The following RANBP2 variants were observed in gnomAD, a reference collection of about 807,000 sequenced individuals.
RANBP2 encodes the protein E3 SUMO-protein ligase RanBP2.
In RANBP2, 57 loss-of-function variants were observed where a neutral mutation model predicts 303.6. The ratio of observed to expected loss-of-function variants is 0.19; its 90% CI spans 0.15 to 0.23. RANBP2 has a LOEUF of 0.23. Among genes scored for constraint, RANBP2 ranks in the 10% least tolerant of loss-of-function variants. The probability of loss-of-function intolerance (pLI) is 1.00; values close to 1 mark genes in which losing one functional copy is unlikely to be tolerated. For synonymous variants in RANBP2, 1,167 were observed against 1,301.5 expected (o/e 0.90, Z 2.23); for missense variants, 3,138 against 3,780.8 (o/e 0.83, Z 4.46).
the RANBP2 span, among the ~76,000 whole-genome samples, chr2:108,816,427 G>A: frequency 6.6e-6 from 1 of 152,078 alleles, no homozygotes; most frequent in African/African-American, 2.4e-5. Context: ...CTCCAGCCTG[G>A]GCAACAGAGC....
At chr2:109,330,414 A>C in the RANBP2 span, among the ~76,000 whole-genome samples, 2 of 151,622 alleles carry the variant, frequency 1.3e-5, no homozygotes, top group African/African-American at 4.9e-5. Context: ...CATCCTGTTG[A>C]TTATTCCTTA....
At chr2:109,013,099 C>T in the RANBP2 span, among the ~76,000 whole-genome samples, 1 of 152,208 alleles carries the variant, frequency 6.6e-6, no homozygotes, top group African/African-American at 2.4e-5. Flanking sequence ...GCCAAGGAGC[C>T]TGTAATTGAC....
the RANBP2 span, among the ~76,000 whole-genome samples, chr2:108,791,242 G>A: frequency 2.0e-5 from 3 of 151,982 alleles, no homozygotes; most frequent in Non-Finnish European, 4.4e-5. Context: ...AACTCAGATT[G>A]TCTTTTTGGA....
At chr2:108,910,716 C>T in the RANBP2 span, 1,349 of 1,581,500 alleles carry the variant, frequency 8.5e-4, 12 homozygotes, top group African/African-American at 0.016. Context: ...CTTCTGGGAA[C>T]GCCCTCCACC....
the RANBP2 span, among the ~76,000 whole-genome samples, chr2:108,853,890 AGT>A: frequency 1.6e-5 from 2 of 123,898 alleles, no homozygotes; most frequent in African/African-American, 6.4e-5. Context: ...TATATTATAT[AGT>A]ATATATATTA....
the RANBP2 span, among the ~76,000 whole-genome samples, chr2:109,719,027 A>AAAAAAAAAAAAAAAAAC: frequency 8.5e-6 from 1 of 118,216 alleles, no homozygotes; most frequent in Non-Finnish European, 1.7e-5. Context: ...AAAAAAAAAA[A>AAAAAAAAAAAAAAAAAC]AGAAACAAAA....
At chr2:109,554,518 C>T in the RANBP2 span, among the ~76,000 whole-genome samples, 3 of 152,128 alleles carry the variant, frequency 2.0e-5, no homozygotes, top group Non-Finnish European at 2.9e-5. Flanking sequence ...ACACTCACAC[C>T]ACCCCCACCC....
chr2:108,811,247 C>CTCTCTTTTTT, the RANBP2 span, among the ~76,000 whole-genome samples: 3 of 113,894 alleles, frequency 2.6e-5, no homozygotes, highest in South Asian at 3.0e-4. Context: ...TTCTCTCTCT[C>CTCTCTTTTTT]TTTTTTTTTT....
the RANBP2 span, among the ~76,000 whole-genome samples, chr2:109,572,814 A>G: frequency 6.6e-6 from 1 of 151,658 alleles, no homozygotes; most frequent in Non-Finnish European, 1.5e-5. Context: ...ACAAGGTTTC[A>G]CTATGTTGGC....
chr2:109,153,958 G>A, the RANBP2 span, among the ~76,000 whole-genome samples: 4 of 152,220 alleles, frequency 2.6e-5, no homozygotes, highest in Admixed American at 2.0e-4. Context: ...ATTTCATTAC[G>A]TGACCACAGA....
chr2:109,211,421 G>T, the RANBP2 span, among the ~76,000 whole-genome samples: 1 of 152,234 alleles, frequency 6.6e-6, no homozygotes, highest in African/African-American at 2.4e-5. Context: ...AAGCCCTGGC[G>T]AGGTAAGAAG....
At chr2:108,983,707 G>A in the RANBP2 span, among the ~76,000 whole-genome samples, 26 of 152,218 alleles carry the variant, frequency 1.7e-4, no homozygotes, top group Admixed American at 3.9e-4. Context: ...TCCAGGTGCT[G>A]GTGGCTCCGT....
chr2:109,588,639 GC>G, the RANBP2 span, among the ~76,000 whole-genome samples: 1 of 151,714 alleles, frequency 6.6e-6, no homozygotes, highest in African/African-American at 2.4e-5. Flanking sequence ...GATAATAGGC[GC>G]CCACCACGCC....
the RANBP2 span, among the ~76,000 whole-genome samples, chr2:109,507,814 ACAAT>A: frequency 6.6e-6 from 1 of 152,222 alleles, no homozygotes; most frequent in African/African-American, 2.4e-5. Flanking sequence ...CTGAGGGCAG[ACAAT>A]CAGACGTGTG....
chr2:109,477,266 G>A, the RANBP2 span, among the ~76,000 whole-genome samples: 2 of 152,190 alleles, frequency 1.3e-5, no homozygotes, highest in African/African-American at 4.8e-5. Context: ...CAGAGTGGGG[G>A]AAGTCACTCC....
chr2:108,762,412 AGTG>A (rs1172837482), intron 19 of RANBP2, among the ~76,000 whole-genome samples: 1 of 70,898 alleles, frequency 1.4e-5, no homozygotes, highest in African/African-American at 5.6e-5. Flanking sequence ...TAAAAATGGG[AGTG>A]GTGGTGGTGG....
chr2:109,577,965 C>T, the RANBP2 span, among the ~76,000 whole-genome samples: 926 of 148,386 alleles, frequency 6.2e-3, 5 homozygotes, highest in Middle Eastern at 0.01. Context: ...TCAGGAGAAG[C>T]GGTTAAATGA....
intron 7 of RANBP2, among the ~76,000 whole-genome samples, chr2:108,743,597 A>T (rs2919170): frequency 9.2e-5 from 14 of 152,188 alleles, no homozygotes; most frequent in Non-Finnish European, 2.9e-5. Flanking sequence ...TTAATAATAA[A>T]AAGTTAGTTT....
At chr2:109,512,832 C>A in the RANBP2 span, among the ~76,000 whole-genome samples, 1 of 152,204 alleles carries the variant, frequency 6.6e-6, no homozygotes, top group African/African-American at 2.4e-5. Context: ...CCCCTCCTCA[C>A]CCCCTCCTGG....
Sources: gnomAD v4.1 joint callset for allele counts (sites outside exome capture counted in the v4.1 genomes callset) on GRCh38, gnomAD v4.1.1 for gene constraint, MANE v1.5 for transcripts, NCBI Gene and HGNC (gene_info 2026-07-23, HGNC 2026-07-21) for gene names.